SLC35F4: variants seen among roughly 807,000 people sequenced by gnomAD.
SLC35F4 encodes solute carrier family 35 member F4.
SLC35F4 carries 24 observed loss-of-function variants against 44.2 expected under a neutral mutation model. The ratio of observed to expected loss-of-function variants is 0.54; its 90% CI spans 0.39 to 0.76. The LOEUF is 0.76. Among genes scored for constraint, SLC35F4 ranks in the 30% least tolerant of loss-of-function variants. The probability of loss-of-function intolerance (pLI) is 0.00; values close to 1 mark genes in which losing one functional copy is unlikely to be tolerated. For missense variants in SLC35F4, 562 were observed against 586.1 expected, an observed-to-expected ratio of 0.96 and a Z score of 0.42; for synonymous variants, 238 against 223.6, an observed-to-expected ratio of 1.06 and a Z score of -0.57.
intron 1 of SLC35F4, among the ~76,000 whole-genome samples, chr14:57,802,328 C>A (rs937901722): frequency 9.9e-5 from 15 of 151,956 alleles, no homozygotes; most frequent in African/African-American, 3.6e-4. Context: ...GTAGCCAAAG[C>A]AGTGTTAAGA....
chr14:57,652,588 C>A (rs375002811), intron 1 of SLC35F4, among the ~76,000 whole-genome samples: 4 of 151,924 alleles, frequency 2.6e-5, no homozygotes, highest in African/African-American at 9.7e-5. Flanking sequence ...CACACAGAGG[C>A]CAGGGATGCT....
chr14:57,933,271 C>A (rs966566848), intron 1 of SLC35F4, among the ~76,000 whole-genome samples: 2 of 152,126 alleles, frequency 1.3e-5, no homozygotes, highest in African/African-American at 2.4e-5. Flanking sequence ...GATCTGCCCA[C>A]CTCGGCCTTC....
chr14:57,963,448 G>T (rs1878682503), intron 1 of SLC35F4, among the ~76,000 whole-genome samples: 1 of 152,200 alleles, frequency 6.6e-6, no homozygotes, highest in South Asian at 2.1e-4. Context: ...GGGGCTGGAG[G>T]CTCATTGGAC....
intron 1 of SLC35F4, among the ~76,000 whole-genome samples, chr14:57,702,905 T>C (rs781101779): frequency 6.6e-6 from 1 of 152,168 alleles, no homozygotes; most frequent in Non-Finnish European, 1.5e-5. Context: ...AGGATAATAA[T>C]TTTCTGAGTT....
chr14:57,845,050 C>T (rs777185644), intron 1 of SLC35F4, among the ~76,000 whole-genome samples: 43 of 152,028 alleles, frequency 2.8e-4, no homozygotes, highest in Non-Finnish European at 5.1e-4. Flanking sequence ...TTCAGTCTTT[C>T]GGGGAGAAGG....
chr14:57,706,397 A>G (rs1208427447), intron 1 of SLC35F4, among the ~76,000 whole-genome samples: 3 of 152,208 alleles, frequency 2.0e-5, no homozygotes, highest in Non-Finnish European at 4.4e-5. Context: ...AGACTGTCAT[A>G]TATTCACTTA....
At chr14:57,671,626 G>C (rs2074526123) in intron 1 of SLC35F4, among the ~76,000 whole-genome samples, 1 of 151,902 alleles carries the variant, frequency 6.6e-6, no homozygotes, top group African/African-American at 2.4e-5. Flanking sequence ...TCTGATATTT[G>C]CTGACTTCAA....
intron 1 of SLC35F4, among the ~76,000 whole-genome samples, chr14:57,935,043 A>C (rs186246410): frequency 2.1e-4 from 32 of 152,278 alleles, no homozygotes; most frequent in African/African-American, 7.7e-4. Flanking sequence ...GAAAGGGTGC[A>C]TCTGAAAGAG....
intron 1 of SLC35F4, among the ~76,000 whole-genome samples, chr14:57,666,312 CT>C (rs1165157084): frequency 3.9e-5 from 6 of 152,120 alleles, no homozygotes; most frequent in Non-Finnish European, 5.9e-5. Context: ...TTTTATTTTC[CT>C]CATTGAGCAC....
At chr14:57,686,421 A>C (rs2140318355) in intron 1 of SLC35F4, among the ~76,000 whole-genome samples, 1 of 152,276 alleles carries the variant, frequency 6.6e-6, no homozygotes, top group South Asian at 2.1e-4. Flanking sequence ...CAGTTCAAAA[A>C]ATCAAATTAG....
chr14:57,830,488 A>C (rs901502261), intron 1 of SLC35F4, among the ~76,000 whole-genome samples: 2 of 152,220 alleles, frequency 1.3e-5, no homozygotes, highest in Non-Finnish European at 2.9e-5. Flanking sequence ...ACCCAATTTT[A>C]TGTTATGCTA....
At chr14:57,638,000 T>G (rs1297041790) in intron 1 of SLC35F4, among the ~76,000 whole-genome samples, 1 of 152,058 alleles carries the variant, frequency 6.6e-6, no homozygotes, top group Non-Finnish European at 1.5e-5. Context: ...TAATAACAAA[T>G]TATAAACGAG....
intron 1 of SLC35F4, among the ~76,000 whole-genome samples, chr14:57,629,393 T>A (rs561423085): frequency 6.6e-6 from 1 of 151,884 alleles, no homozygotes; most frequent in East Asian, 1.9e-4. Context: ...TGCAGGAGAG[T>A]TGTTGGACTG....
At chr14:57,779,778 A>G (rs2077573403) in intron 1 of SLC35F4, among the ~76,000 whole-genome samples, 1 of 152,188 alleles carries the variant, frequency 6.6e-6, no homozygotes, top group Non-Finnish European at 1.5e-5. Flanking sequence ...TTGGTTCAAC[A>G]CCAATAAAAT....
chr14:57,851,977 G>C (rs142010534), intron 1 of SLC35F4, among the ~76,000 whole-genome samples: 1 of 152,252 alleles, frequency 6.6e-6, no homozygotes, highest in African/African-American at 2.4e-5. Context: ...TTTTCAACAA[G>C]GCTTAATCAC....
chr14:57,847,780 G>C (rs181921173), intron 1 of SLC35F4, among the ~76,000 whole-genome samples: 7 of 152,232 alleles, frequency 4.6e-5, no homozygotes, highest in African/African-American at 1.7e-4. Flanking sequence ...TTCTCACTGA[G>C]AGAAAATAAA....
intron 1 of SLC35F4, among the ~76,000 whole-genome samples, chr14:57,693,352 G>A (rs191629779): frequency 1.7e-3 from 264 of 152,310 alleles, no homozygotes; most frequent in African/African-American, 5.7e-3. Flanking sequence ...AATCTCTACA[G>A]CACTGTGACA....
chr14:57,843,996 C>T (rs1885750967), intron 1 of SLC35F4, among the ~76,000 whole-genome samples: 1 of 152,084 alleles, frequency 6.6e-6, no homozygotes, highest in Non-Finnish European at 1.5e-5. Context: ...AAATATCAGC[C>T]TCGTGACCAA....
chr14:57,722,071 G>A (rs2076099103), intron 1 of SLC35F4, among the ~76,000 whole-genome samples: 1 of 152,148 alleles, frequency 6.6e-6, no homozygotes, highest in African/African-American at 2.4e-5. Context: ...AACTGCTTGA[G>A]TTTTCTAATT....
Sources: allele counts gnomAD v4.1 joint callset (sites outside exome capture counted in the v4.1 genomes callset), GRCh38; gene constraint gnomAD v4.1.1; transcripts MANE v1.5; gene names NCBI Gene and HGNC (gene_info 2026-07-23, HGNC 2026-07-21).